RNGTT: variants seen among roughly 807,000 people sequenced by gnomAD.
RNGTT encodes the protein mRNA-capping enzyme.
Under a neutral mutation model 79.3 loss-of-function variants are expected in RNGTT, and 33 were observed. The observed-to-expected ratio is 0.42, with a 90% CI of 0.32 to 0.56. The LOEUF (loss-of-function observed/expected upper bound fraction) is 0.56. Among genes scored for constraint, RNGTT ranks in the 20% least tolerant of loss-of-function variants. RNGTT has a pLI of 0.17. For synonymous variants in RNGTT, 222 were observed against 235.9 expected, an observed-to-expected ratio of 0.94 and a Z score of 0.54; for missense variants, 497 against 739.1, an observed-to-expected ratio of 0.67 and a Z score of 3.80.
intron 11 of RNGTT, among the ~76,000 whole-genome samples, chr6:88,830,350 C>A (rs1348388518): frequency 6.6e-6 from 1 of 152,018 alleles, no homozygotes; most frequent in Non-Finnish European, 1.5e-5. Context: ...GAAATTAAGG[C>A]AGAAATAAAG....
intron 11 of RNGTT, among the ~76,000 whole-genome samples, chr6:88,843,792 G>A (rs895597851): frequency 6.6e-6 from 1 of 151,184 alleles, no homozygotes; most frequent in Non-Finnish European, 1.5e-5. Context: ...TCCTGACCTT[G>A]TGATCTGCCC....
chr6:88,711,517 T>C (rs1776318090), intron 13 of RNGTT, among the ~76,000 whole-genome samples: 1 of 152,336 alleles, frequency 6.6e-6, no homozygotes, highest in African/African-American at 2.4e-5. Flanking sequence ...ACACACATTA[T>C]ACCTCATTTA....
chr6:88,963,318 G>C, intron 1 of RNGTT, 28 bp downstream of exon 1: 2 of 1,611,394 alleles, frequency 1.2e-6, no homozygotes, highest in Non-Finnish European at 1.7e-6. Flanking sequence ...GGAGTGTGGG[G>C]ATTCGAACGC....
chr6:88,963,199 C>T lies in RNGTT; in HGVS notation c.64+147G>A. 9.6e-6 allele frequency: 7 copies of T among 729,074 alleles called. No individual in the cohort carries two copies. The South Asian group carries it at 1.2e-4, about 13-fold the overall frequency. 45.2% of individuals were successfully genotyped at this position (729,074 alleles called of 1,614,324 possible). ...ATCCCCTCCCGTTCATGTTCCCATTCATCCACGAAGCGTAATCCGACGGAG... is the reference window on the plus strand; with the variant it reads ...ATCCCCTCCCGTTCATGTTCCCATTTATCCACGAAGCGTAATCCGACGGAG... On this transcript the variant is annotated intron_variant, in intron 1 of 15. Coordinates refer to ENST00000369485, the MANE Select transcript of RNGTT (RefSeq NM_003800.5).
intron 8 of RNGTT, among the ~76,000 whole-genome samples, chr6:88,880,712 T>C (rs1255710436): frequency 1.3e-5 from 2 of 152,190 alleles, no homozygotes; most frequent in African/African-American, 4.8e-5. Flanking sequence ...GATTCAATAA[T>C]AGTTGAAATT....
At chr6:88,728,813 T>A (rs1271885671) in intron 13 of RNGTT, among the ~76,000 whole-genome samples, 3 of 152,182 alleles carry the variant, frequency 2.0e-5, no homozygotes, top group Non-Finnish European at 4.4e-5. Context: ...AAGACCAAAA[T>A]AGCTATTGTA....
intron 11 of RNGTT, among the ~76,000 whole-genome samples, chr6:88,814,611 G>A (rs555521626): frequency 6.6e-6 from 1 of 152,236 alleles, no homozygotes; most frequent in East Asian, 1.9e-4. Flanking sequence ...ATATAAGTGA[G>A]TATTTGTTTT....
chr6:88,674,322 T>C (rs1485453346), intron 14 of RNGTT, among the ~76,000 whole-genome samples: 1 of 151,968 alleles, frequency 6.6e-6, no homozygotes, highest in Non-Finnish European at 1.5e-5. Context: ...CTGAGATGGG[T>C]GGATCATTTG....
At chr6:88,745,501 G>A (rs903464711) in intron 13 of RNGTT, among the ~76,000 whole-genome samples, 2 of 152,128 alleles carry the variant, frequency 1.3e-5, no homozygotes, top group Non-Finnish European at 2.9e-5. Context: ...TTACACTGAT[G>A]TTGAAATGAC....
chr6:88,641,679 T>G (rs531237896), intron 14 of RNGTT, among the ~76,000 whole-genome samples: 3 of 152,208 alleles, frequency 2.0e-5, no homozygotes, highest in South Asian at 2.1e-4. Flanking sequence ...CATCACTTGG[T>G]ATGGCTGTGA....
chr6:88,850,776 G>A (rs1781645314), intron 9 of RNGTT, among the ~76,000 whole-genome samples: 2 of 151,978 alleles, frequency 1.3e-5, no homozygotes, highest in Non-Finnish European at 2.9e-5. Flanking sequence ...TTTCCAGCAG[G>A]ATAGTGGATA....
intron 13 of RNGTT, among the ~76,000 whole-genome samples, chr6:88,739,588 G>C (rs1404937956): frequency 6.6e-6 from 1 of 151,186 alleles, no homozygotes; most frequent in Non-Finnish European, 1.5e-5. Context: ...ACAAAGACAG[G>C]CTCAAAAAAT....
chr6:88,954,536 T>C (rs1255126430), intron 1 of RNGTT, among the ~76,000 whole-genome samples: 1 of 151,870 alleles, frequency 6.6e-6, no homozygotes, highest in Non-Finnish European at 1.5e-5. Context: ...ACAACAATAG[T>C]GGGGGACTTC....
chr6:88,888,849 G>A (rs1023010917), intron 8 of RNGTT, among the ~76,000 whole-genome samples: 1 of 152,154 alleles, frequency 6.6e-6, no homozygotes, highest in African/African-American at 2.4e-5. Context: ...GACCAACATG[G>A]AGAAACCCTG....
At chr6:88,721,693 G>C (rs976596137) in intron 13 of RNGTT, among the ~76,000 whole-genome samples, 1 of 151,996 alleles carries the variant, frequency 6.6e-6, no homozygotes, top group Non-Finnish European at 1.5e-5. Flanking sequence ...CTTCCTTACA[G>C]TCTAAGGTCC....
At chr6:88,695,596 C>T (rs951357771) in intron 13 of RNGTT, among the ~76,000 whole-genome samples, 6 of 152,090 alleles carry the variant, frequency 3.9e-5, no homozygotes, top group African/African-American at 1.4e-4. Flanking sequence ...ATAGAGGTTC[C>T]TCCAAAAACT....
chr6:88,642,538 G>A (rs1425500421), intron 14 of RNGTT, among the ~76,000 whole-genome samples: 1 of 152,150 alleles, frequency 6.6e-6, no homozygotes, highest in Non-Finnish European at 1.5e-5. Context: ...TCTTGCATGT[G>A]CTGGCTCCCG....
chr6:88,715,340 T>A (rs1776472021), intron 13 of RNGTT, among the ~76,000 whole-genome samples: 1 of 152,002 alleles, frequency 6.6e-6, no homozygotes, highest in Non-Finnish European at 1.5e-5. Context: ...GGAAGAACAT[T>A]CCATGCTCAT....
chr6:88,641,112 G>A (rs1016217906), intron 14 of RNGTT, among the ~76,000 whole-genome samples: 1 of 152,058 alleles, frequency 6.6e-6, no homozygotes, highest in Non-Finnish European at 1.5e-5. Flanking sequence ...AGGCCAAGGC[G>A]GGTGGATCAC....
Sources: allele counts gnomAD v4.1 joint callset (sites outside exome capture counted in the v4.1 genomes callset), GRCh38; gene constraint gnomAD v4.1.1; transcripts MANE v1.5; gene names NCBI Gene and HGNC (gene_info 2026-07-23, HGNC 2026-07-21).